Variants in CCDC82 observed in about 807,000 individuals in gnomAD.
The protein encoded by CCDC82 is coiled-coil domain containing 82.
In CCDC82, 47 loss-of-function variants were observed where a neutral mutation model predicts 60.6. The observed-to-expected ratio is 0.77, with a 90% CI of 0.61 to 0.99. The LOEUF (loss-of-function observed/expected upper bound fraction) is 0.99, where lower values mean the gene tolerates loss of function less well. Ranked by LOEUF, CCDC82 falls within the 50% of genes least tolerant of loss-of-function variation. The probability of loss-of-function intolerance (pLI) is 0.00; values close to 1 mark genes in which losing one functional copy is unlikely to be tolerated. For missense variants in CCDC82, 588 were observed against 633.0 expected (o/e 0.93, Z 0.76); for synonymous variants, 212 against 207.4 (o/e 1.02, Z -0.19).
At chr11:96,376,931 G>A (rs188014609) in intron 5 of CCDC82, among the ~76,000 whole-genome samples, 163 of 152,236 alleles carry the variant, frequency 1.1e-3, no homozygotes, top group African/African-American at 3.7e-3. Flanking sequence ...ATTTCTGGGA[G>A]ATAAGCTTCC....
chr11:96,364,518 T>C (rs1864844187), intron 8 of CCDC82: 2 of 152,574 alleles, frequency 1.3e-5, no homozygotes, highest in Admixed American at 6.5e-5. Context: ...CATGGATATG[T>C]AGACTTACCA....
chr11:96,371,250 A>G lies in CCDC82; in HGVS notation c.1085-113T>C, dbSNP rs1865249261. 1.5e-5 allele frequency: 10 copies of G among 684,370 alleles called. No individual in the cohort carries two copies. In the East Asian group the frequency reaches 3.5e-4, roughly 24 times the overall value. The allele number at this position is 684,370 out of a possible 1,614,324, so 42.4% of individuals were successfully genotyped here. Reference sequence around the variant, plus strand: ...GGTTGGAAGCATTTTAAATTAGGAAAAAAAATATTTAAAAAATCATTCCAT... The same window carrying G: ...GGTTGGAAGCATTTTAAATTAGGAAGAAAAATATTTAAAAAATCATTCCAT... On this transcript the variant is annotated intron_variant, in intron 6 of 9. Transcript: ENST00000646818.
intron 5 of CCDC82, among the ~76,000 whole-genome samples, chr11:96,379,874 A>C (rs894175302): frequency 6.6e-6 from 1 of 151,862 alleles, no homozygotes; most frequent in Non-Finnish European, 1.5e-5. Context: ...GACTGGACTG[A>C]AGTAATGGGA....
chr11:96,376,726 C>A (rs1257413297), intron 5 of CCDC82, among the ~76,000 whole-genome samples: 2 of 152,108 alleles, frequency 1.3e-5, no homozygotes, highest in South Asian at 2.1e-4. Context: ...CCGCGCCTGG[C>A]CTGCTTTTCT....
At chr11:96,388,525 A>G (rs1866336126) in intron 1 of CCDC82, 1 of 152,230 alleles carries the variant, frequency 6.6e-6, no homozygotes, top group South Asian at 2.1e-4. Context: ...AAGAATATAT[A>G]TTAAAGACAA....
At chr11:96,361,618 C>A (rs115036523) in intron 8 of CCDC82, among the ~76,000 whole-genome samples, 2,327 of 152,274 alleles carry the variant, frequency 0.015, 70 homozygotes, top group African/African-American at 0.053. Context: ...GTGAACTTAA[C>A]CCCTCACTCA....
intron 1 of CCDC82, 108 bp from the exon 2 acceptor site, chr11:96,387,721 A>G (rs1343808477): frequency 6.6e-6 from 1 of 152,216 alleles, no homozygotes; most frequent in Non-Finnish European, 1.5e-5. Flanking sequence ...AACGATTAAA[A>G]TGGTTTAGAG....
intron 7 of CCDC82, among the ~76,000 whole-genome samples, chr11:96,370,086 T>C (rs888940666): frequency 3.3e-5 from 5 of 152,238 alleles, no homozygotes; most frequent in Non-Finnish European, 7.3e-5. Context: ...TTTTAAACTC[T>C]TTCTGTAATC....
At chr11:96,368,718 C>A (rs1865085252) in intron 7 of CCDC82, among the ~76,000 whole-genome samples, 1 of 151,480 alleles carries the variant, frequency 6.6e-6, no homozygotes, top group African/African-American at 2.4e-5. Flanking sequence ...TACAAAAAAT[C>A]AGCCAGGCGT....
chr11:96,359,722 A>T (rs2136072528), intron 8 of CCDC82, among the ~76,000 whole-genome samples: 1 of 149,914 alleles, frequency 6.7e-6, no homozygotes, highest in South Asian at 2.1e-4. Context: ...GGATTATAAT[A>T]TTTTTCTAGC....
chr11:96,368,865 C>CAAA (rs71040144), intron 7 of CCDC82, among the ~76,000 whole-genome samples: 2 of 142,284 alleles, frequency 1.4e-5, no homozygotes, highest in Non-Finnish European at 1.5e-5. Context: ...GACTCCGTCT[C>CAAA]AAAAAAAAAA....
chr11:96,358,657 A>G, intron 9 of CCDC82: 1 of 1,256,166 alleles, frequency 8.0e-7, no homozygotes, highest in Non-Finnish European at 9.9e-7. Flanking sequence ...GGTGAGTCCT[A>G]TACTCTGTCA....
At chr11:96,359,642 T>TAAAAAAAAAAAAAAAAAAAAAAAAAA (rs139619843) in intron 8 of CCDC82, among the ~76,000 whole-genome samples, 3 of 81,390 alleles carry the variant, frequency 3.7e-5, no homozygotes, top group Non-Finnish European at 4.7e-5. Flanking sequence ...ATGGGCAAAG[T>TAAAAAAAAAAAAAAAAAAAAAAAAAA]AAAAAAAAAA....
intron 3 of CCDC82, chr11:96,385,798 G>A (rs1304454090): frequency 6.6e-6 from 1 of 152,120 alleles, no homozygotes; most frequent in Non-Finnish European, 1.5e-5. Context: ...TTAGTGACAC[G>A]TAAGATAACT....
Position 96,353,412 on chromosome 11 carries a change from A to T in CCDC82, c.*234T>A. On this transcript the variant is annotated 3_prime_UTR_variant, in exon 10 of 10. Transcript: ENST00000646818. ...TATAAAGCCATTATTATATAACTTT[A>T]AAATATATTTACAGACTTAAAAATT... 2.4e-6 allele frequency: 1 copy of T among 412,840 alleles called. No individual in the cohort carries two copies. The highest frequency in any genetic ancestry group is 4.6e-5 in the East Asian group (1 of 21,810). 25.6% of individuals were successfully genotyped at this position (412,840 alleles called of 1,614,324 possible).
chr11:96,372,804 A>G (rs551511263), intron 6 of CCDC82, among the ~76,000 whole-genome samples: 44 of 149,846 alleles, frequency 2.9e-4, no homozygotes, highest in African/African-American at 1.0e-3. Context: ...GAAGAAAGCA[A>G]AAATACATTT....
chr11:96,362,451 C>T (rs1040435718), intron 8 of CCDC82, among the ~76,000 whole-genome samples: 5 of 152,148 alleles, frequency 3.3e-5, no homozygotes, highest in African/African-American at 1.2e-4. Flanking sequence ...TTTGTACAGA[C>T]ATATTATACA....
intron 9 of CCDC82, 74 bp downstream of exon 9, chr11:96,358,919 T>G (rs992062346): frequency 7.9e-7 from 1 of 1,268,136 alleles, no homozygotes; most frequent in Non-Finnish European, 1.1e-6. Context: ...TATCTTTTAA[T>G]CATTTGTTTC....
At chr11:96,361,317 GAGGGA>G (rs905767920) in intron 8 of CCDC82, among the ~76,000 whole-genome samples, 3 of 152,210 alleles carry the variant, frequency 2.0e-5, no homozygotes, top group Non-Finnish European at 4.4e-5. Context: ...GTTGAAACAA[GAGGGA>G]AGGAGAGGTG....
Sources: gnomAD v4.1 joint callset for allele counts (sites outside exome capture counted in the v4.1 genomes callset) on GRCh38, gnomAD v4.1.1 for gene constraint, MANE v1.5 for transcripts, NCBI Gene and HGNC (gene_info 2026-07-23, HGNC 2026-07-21) for gene names.